The following DACH2 variants were observed in gnomAD, a reference collection of about 807,000 sequenced individuals.
DACH2 encodes dachshund homolog 2.
In DACH2, 17 loss-of-function variants were observed where a neutral mutation model predicts 35.8. The ratio of observed to expected loss-of-function variants is 0.48; its 90% CI spans 0.33 to 0.71. The LOEUF (loss-of-function observed/expected upper bound fraction) is 0.71, where lower values mean the gene tolerates loss of function less well. Among genes scored for constraint, DACH2 ranks in the 30% least tolerant of loss-of-function variants. DACH2 has a pLI of 0.02. For synonymous variants in DACH2, 195 were observed against 177.3 expected (o/e 1.10, Z -0.79); for missense variants, 469 against 472.7 (o/e 0.99, Z 0.07).
At chrX:86,304,555 T>A (rs2034638642) in intron 1 of DACH2, 1 of 154,639 alleles carries the variant, frequency 6.5e-6, no homozygotes, top group Non-Finnish European at 1.4e-5. Context: ...CCTGAAGAGC[T>A]TACGATAACC....
intron 3 of DACH2, among the ~76,000 whole-genome samples, chrX:86,575,676 G>T (rs1402571802): frequency 1.8e-5 from 2 of 111,438 alleles, no homozygotes; most frequent in Non-Finnish European, 1.9e-5. Context: ...AAAATACAAG[G>T]CTACTTGTAT....
intron 1 of DACH2, among the ~76,000 whole-genome samples, chrX:86,259,205 A>G (rs1306482506): frequency 8.9e-6 from 1 of 112,140 alleles, no homozygotes; most frequent in Non-Finnish European, 1.9e-5. Flanking sequence ...CTGTTCTGGC[A>G]TGACTGTTAA....
At chrX:86,790,428 A>G (rs7053810) in intron 7 of DACH2, among the ~76,000 whole-genome samples, 10,211 of 112,110 alleles carry the variant, frequency 0.091, 475 homozygotes, top group Non-Finnish European at 0.14. Flanking sequence ...TCTAAATATT[A>G]TAACTTAAAT....
intron 1 of DACH2, among the ~76,000 whole-genome samples, chrX:86,302,665 G>T (rs988141485): frequency 3.6e-5 from 4 of 110,504 alleles, no homozygotes; most frequent in Non-Finnish European, 7.6e-5. Flanking sequence ...AAGTTTGAAA[G>T]TAGTATACAA....
intron 1 of DACH2, among the ~76,000 whole-genome samples, chrX:86,186,420 G>T (rs1474014341): frequency 8.9e-6 from 1 of 111,890 alleles, no homozygotes; most frequent in Non-Finnish European, 1.9e-5. Context: ...CTTATTTATT[G>T]AACTTATCAA....
At chrX:86,551,483 C>T (rs185802082) in intron 3 of DACH2, among the ~76,000 whole-genome samples, 3 of 112,054 alleles carry the variant, frequency 2.7e-5, no homozygotes, top group East Asian at 2.8e-4. Context: ...AACAATTTTA[C>T]GACAAGATGT....
chrX:86,499,060 C>T, intron 2 of DACH2, among the ~76,000 whole-genome samples: 1 of 111,829 alleles, frequency 8.9e-6, no homozygotes, highest in African/African-American at 3.3e-5. Context: ...TATCTGGCAA[C>T]ATTGTGCATT....
At chrX:86,540,629 G>T (rs1221310632) in intron 3 of DACH2, among the ~76,000 whole-genome samples, 2 of 112,239 alleles carry the variant, frequency 1.8e-5, no homozygotes, top group African/African-American at 6.5e-5. Flanking sequence ...CTGTTCTTCA[G>T]TTGGAGCACA....
intron 1 of DACH2, among the ~76,000 whole-genome samples, chrX:86,196,201 T>C (rs1465460362): frequency 1.8e-5 from 2 of 111,630 alleles, no homozygotes; most frequent in East Asian, 5.6e-4. Context: ...AATAAAATGA[T>C]GCAGGAGCTG....
intron 2 of DACH2, among the ~76,000 whole-genome samples, chrX:86,477,497 G>GT (rs969112924): frequency 2.9e-4 from 31 of 105,857 alleles, no homozygotes; most frequent in African/African-American, 6.5e-4. Flanking sequence ...GCTCTTTTTT[G>GT]TTTTTTTTAT....
At chrX:86,722,358 C>A (rs747778974) in intron 6 of DACH2, among the ~76,000 whole-genome samples, 1 of 110,307 alleles carries the variant, frequency 9.1e-6, no homozygotes, top group Admixed American at 9.7e-5. Context: ...TTATGTATTT[C>A]TTTATTTAAA....
At chrX:86,431,963 GT>G (rs760669602) in intron 2 of DACH2, among the ~76,000 whole-genome samples, 13 of 111,983 alleles carry the variant, frequency 1.2e-4, no homozygotes, top group Admixed American at 2.8e-4. Flanking sequence ...TATTGTTAGA[GT>G]TTTTACAGTC....
At chrX:86,276,244 A>G (rs1845193698) in intron 1 of DACH2, among the ~76,000 whole-genome samples, 1 of 112,202 alleles carries the variant, frequency 8.9e-6, no homozygotes, top group Admixed American at 9.4e-5. Context: ...GTGAGATGAT[A>G]GATCATTGTA....
At chrX:86,571,665 G>T (rs541725464) in intron 3 of DACH2, among the ~76,000 whole-genome samples, 135 of 109,900 alleles carry the variant, frequency 1.2e-3, no homozygotes, top group African/African-American at 4.1e-3. Flanking sequence ...CCACTGTGAT[G>T]ATTATTGTAG....
chrX:86,665,645 C>T (rs976734238), intron 4 of DACH2, among the ~76,000 whole-genome samples: 8 of 111,442 alleles, frequency 7.2e-5, no homozygotes, highest in Non-Finnish European at 1.1e-4. Context: ...CAGCCAATCA[C>T]GATTAATGGC....
intron 3 of DACH2, among the ~76,000 whole-genome samples, chrX:86,603,206 G>A (rs769821405): frequency 8.2e-5 from 9 of 110,233 alleles, no homozygotes; most frequent in South Asian, 7.8e-4. Flanking sequence ...CATATTTTCC[G>A]TTCTTTCAGG....
At chrX:86,819,670 G>C (rs904176614) in intron 11 of DACH2, among the ~76,000 whole-genome samples, 1 of 111,512 alleles carries the variant, frequency 9.0e-6, no homozygotes, top group African/African-American at 3.2e-5. Flanking sequence ...CACAGTTTTT[G>C]CAAGCTTAGC....
rs185953595 is a variant in DACH2 at position 86,453,106 on chromosome X, T to A, written c.528-61173T>A. Among the ~76,000 whole-genome samples the A allele has an allele frequency of 3.7e-3, 419 of 111,858 alleles. 3 individuals are homozygous for A. Among genetic ancestry groups the A allele is most frequent in the African/African-American group, 0.013 (398 of 30,811 alleles). The stretch of plus-strand genomic sequence containing the variant: ...AGTCATTCAGGAGCAGGTTGTTCAA[T>A]TTCCATGTATTTGTGTGGTTTTGAG... On this transcript the variant is annotated intron_variant, in intron 2 of 11. Coordinates refer to ENST00000373125, the MANE Select transcript of DACH2 (RefSeq NM_053281.3).
chrX:86,394,331 A>G (rs1239692379), intron 2 of DACH2, among the ~76,000 whole-genome samples: 1 of 111,255 alleles, frequency 9.0e-6, no homozygotes, highest in Admixed American at 9.7e-5. Context: ...CAACAGAGGT[A>G]TTATAGTTGA....
Sources: allele counts gnomAD v4.1 joint callset (sites outside exome capture counted in the v4.1 genomes callset), GRCh38; gene constraint gnomAD v4.1.1; transcripts MANE v1.5; gene names NCBI Gene and HGNC (gene_info 2026-07-23, HGNC 2026-07-21).